Variants in SORCS1 observed in about 807,000 individuals in gnomAD.
The protein encoded by SORCS1 is VPS10 domain-containing receptor SorCS1.
Under a neutral mutation model 146.1 loss-of-function variants are expected in SORCS1, and 60 were observed. That is an observed-to-expected ratio of 0.41 (90% confidence interval 0.33 to 0.51). SORCS1 has a LOEUF of 0.51. SORCS1 is among the 20% of genes least tolerant of loss of function. The pLI, the probability that SORCS1 is intolerant of heterozygous loss-of-function variation, is 0.21. For synonymous variants in SORCS1, 637 were observed against 584.0 expected, an observed-to-expected ratio of 1.09 and a Z score of -1.31; for missense variants, 1,352 against 1,487.6, an observed-to-expected ratio of 0.91 and a Z score of 1.50.
intron 18 of SORCS1, among the ~76,000 whole-genome samples, chr10:106,649,311 T>A (rs796263304): frequency 2.0e-5 from 3 of 152,252 alleles, no homozygotes; most frequent in African/African-American, 7.2e-5. Flanking sequence ...TAGACACTGC[T>A]GTGGGGTCAG....
intron 2 of SORCS1, among the ~76,000 whole-genome samples, chr10:106,914,335 T>C (rs1276762274): frequency 1.3e-5 from 2 of 152,300 alleles, no homozygotes; most frequent in South Asian, 4.1e-4. Flanking sequence ...AAGGTTCATA[T>C]CATTATCCAA....
chr10:106,701,366 A>G (rs1015156509), intron 8 of SORCS1, among the ~76,000 whole-genome samples: 6 of 152,178 alleles, frequency 3.9e-5, no homozygotes, highest in Non-Finnish European at 8.8e-5. Context: ...GGCTTTCAGA[A>G]TATTCCATTT....
chr10:107,095,238 A>G (rs1262297850), intron 1 of SORCS1, among the ~76,000 whole-genome samples: 3 of 152,226 alleles, frequency 2.0e-5, no homozygotes, highest in Non-Finnish European at 4.4e-5. Flanking sequence ...CAGAGGGCTG[A>G]TGCCAATGCA....
intron 1 of SORCS1, among the ~76,000 whole-genome samples, chr10:107,124,450 A>G (rs565655149): frequency 3.3e-5 from 5 of 152,316 alleles, no homozygotes; most frequent in African/African-American, 1.2e-4. Context: ...AGGACCAGTC[A>G]GGTTTTAATT....
chr10:107,160,234 T>C (rs1213322409), intron 1 of SORCS1, among the ~76,000 whole-genome samples: 1 of 152,234 alleles, frequency 6.6e-6, no homozygotes, highest in Non-Finnish European at 1.5e-5. Context: ...TCTGAGTTTT[T>C]CCGTCCTACT....
chr10:106,689,362 AG>A (rs1853122384), intron 9 of SORCS1, among the ~76,000 whole-genome samples: 1 of 152,192 alleles, frequency 6.6e-6, no homozygotes. Context: ...AAACATGTTG[AG>A]TAATGCATTC....
intron 5 of SORCS1, among the ~76,000 whole-genome samples, chr10:106,740,855 A>G (rs1857311551): frequency 6.6e-6 from 1 of 152,246 alleles, no homozygotes; most frequent in Non-Finnish European, 1.5e-5. Flanking sequence ...CTCTGAAAGC[A>G]ATTTACTTGC....
At chr10:106,961,898 T>C (rs1955242115) in intron 1 of SORCS1, among the ~76,000 whole-genome samples, 1 of 152,206 alleles carries the variant, frequency 6.6e-6, no homozygotes, top group Admixed American at 6.5e-5. Context: ...GAGTTGCCAC[T>C]CTGCTATACA....
chr10:107,031,079 C>T (rs916324829), intron 1 of SORCS1, among the ~76,000 whole-genome samples: 2 of 152,126 alleles, frequency 1.3e-5, no homozygotes, highest in African/African-American at 4.8e-5. Flanking sequence ...ACAGCTCAGC[C>T]TATGTGGAGG....
chr10:106,930,366 C>G (rs58297897), intron 2 of SORCS1, among the ~76,000 whole-genome samples: 5,332 of 152,150 alleles, frequency 0.035, 222 homozygotes, highest in South Asian at 0.11. Flanking sequence ...TCACTCCTAA[C>G]AGACTCATTA....
chr10:106,797,394 G>A (rs1005238001), intron 3 of SORCS1, among the ~76,000 whole-genome samples: 1 of 151,806 alleles, frequency 6.6e-6, no homozygotes, highest in East Asian at 1.9e-4. Context: ...ACTACATGAT[G>A]TTGTTAACTC....
rs1333186588 is a variant in SORCS1, at chr10:106,953,523, A to ATG, written c.626+2988_626+2989dup. The stretch of plus-strand genomic sequence containing the variant: ...CCCACAGATAGGGAAGGCTGACTAT[A>ATG]TGTATATATATATAGTCATGTATCA... On this transcript the variant is annotated intron_variant, in intron 2 of 25. Coordinates refer to ENST00000263054, the MANE Select transcript of SORCS1 (RefSeq NM_052918.5). Among the ~76,000 whole-genome samples, 18 of 115,550 alleles carry ATG rather than the reference A, an allele frequency of 1.6e-4. No homozygotes were observed. The South Asian group carries it at 4.9e-3, about 31-fold the overall frequency. The allele number at this position is 115,550 out of a possible 152,430, so 75.8% of individuals were successfully genotyped here.
chr10:107,071,411 C>G (rs773140936), intron 1 of SORCS1, among the ~76,000 whole-genome samples: 1 of 152,156 alleles, frequency 6.6e-6, no homozygotes, highest in Non-Finnish European at 1.5e-5. Flanking sequence ...AACTTTTACA[C>G]AGAGTTGTGG....
chr10:107,015,284 C>A (rs958789970), intron 1 of SORCS1, among the ~76,000 whole-genome samples: 6 of 152,126 alleles, frequency 3.9e-5, no homozygotes, highest in Admixed American at 1.3e-4. Flanking sequence ...AATAGATGGG[C>A]CTTACTCAGT....
At chr10:107,033,924 C>T (rs757059628) in intron 1 of SORCS1, among the ~76,000 whole-genome samples, 13 of 152,248 alleles carry the variant, frequency 8.5e-5, no homozygotes, top group African/African-American at 1.9e-4. Context: ...AGAAATACAG[C>T]GTTAAGCAAG....
chr10:107,001,433 G>C (rs187545109), intron 1 of SORCS1, among the ~76,000 whole-genome samples: 253 of 152,260 alleles, frequency 1.7e-3, no homozygotes, highest in Non-Finnish European at 1.5e-3. Context: ...CTGGTAGAAG[G>C]CTTTTTAGTA....
chr10:106,892,665 G>A (rs1951280837), intron 2 of SORCS1, among the ~76,000 whole-genome samples: 1 of 152,080 alleles, frequency 6.6e-6, no homozygotes, highest in Non-Finnish European at 1.5e-5. Context: ...TATAAATGAG[G>A]ATAGTTCAAC....
At chr10:107,139,863 T>C (rs1967663326) in intron 1 of SORCS1, among the ~76,000 whole-genome samples, 1 of 152,228 alleles carries the variant, frequency 6.6e-6, no homozygotes, top group Non-Finnish European at 1.5e-5. Flanking sequence ...GCTTCACGTA[T>C]GTCCTCACCA....
intron 1 of SORCS1, among the ~76,000 whole-genome samples, chr10:107,053,673 G>A (rs1325938899): frequency 6.6e-6 from 1 of 152,080 alleles, no homozygotes; most frequent in Non-Finnish European, 1.5e-5. Flanking sequence ...AATCTGCCTG[G>A]GGTAAAAGAA....
Sources: allele counts gnomAD v4.1 joint callset (sites outside exome capture counted in the v4.1 genomes callset), GRCh38; gene constraint gnomAD v4.1.1; transcripts MANE v1.5; gene names NCBI Gene and HGNC (gene_info 2026-07-23, HGNC 2026-07-21).